The following KCMF1 variants were observed in gnomAD, a reference collection of about 807,000 sequenced individuals.
KCMF1 encodes potassium channel modulatory factor 1, also known as E3 ubiquitin-protein ligase KCMF1.
In KCMF1, 3 loss-of-function variants were observed where a neutral mutation model predicts 41.1. The observed-to-expected ratio is 0.07, with a 90% CI of 0.03 to 0.19. The LOEUF (loss-of-function observed/expected upper bound fraction) is 0.19, where lower values mean the gene tolerates loss of function less well. KCMF1 is among the 10% of genes least tolerant of loss of function. KCMF1 has a pLI of 1.00. For synonymous variants in KCMF1, 142 were observed against 164.5 expected (o/e 0.86, Z 1.04); for missense variants, 286 against 488.9 (o/e 0.58, Z 3.91).
intron 1 of KCMF1, among the ~76,000 whole-genome samples, chr2:84,980,560 T>G (rs1324134488): frequency 6.6e-6 from 1 of 152,200 alleles, no homozygotes; most frequent in Non-Finnish European, 1.5e-5. Flanking sequence ...AGAATTGTTT[T>G]TAGTTGTTGG....
chr2:84,995,043 A>G (rs745929408), intron 1 of KCMF1, among the ~76,000 whole-genome samples: 3 of 149,484 alleles, frequency 2.0e-5, no homozygotes, highest in Non-Finnish European at 3.0e-5. Flanking sequence ...TTTTTTTGAG[A>G]TGGAGTCTTG....
chr2:85,051,999 G>A (rs1574045939), intron 6 of KCMF1, among the ~76,000 whole-genome samples: 2 of 152,160 alleles, frequency 1.3e-5, no homozygotes, highest in East Asian at 3.9e-4. Context: ...TGCAACTGAT[G>A]GTAAGGTCAC....
chr2:85,046,027 A>G, intron 4 of KCMF1, 77 bp from the exon 5 acceptor site: 2 of 1,174,882 alleles, frequency 1.7e-6, no homozygotes, highest in Non-Finnish European at 1.2e-6. Context: ...AAATCTTTAC[A>G]TCTGTCTAGC....
chr2:84,994,685 G>C (rs1331047796), intron 1 of KCMF1, among the ~76,000 whole-genome samples: 1 of 152,170 alleles, frequency 6.6e-6, no homozygotes, highest in Admixed American at 6.5e-5. Flanking sequence ...TTACAGGCAT[G>C]AGCCACCACG....
intron 1 of KCMF1, among the ~76,000 whole-genome samples, chr2:85,023,417 C>T (rs1419678162): frequency 6.9e-6 from 1 of 145,706 alleles, no homozygotes; most frequent in Non-Finnish European, 1.5e-5. Flanking sequence ...CTCCTGGGTT[C>T]ACGCCATTCT....
intron 3 of KCMF1, among the ~76,000 whole-genome samples, chr2:85,037,777 AC>A (rs2104045360): frequency 6.6e-6 from 1 of 152,258 alleles, no homozygotes; most frequent in Non-Finnish European, 1.5e-5. Flanking sequence ...GGGTTCCCCA[AC>A]CCCTGGGCCA....
At chr2:84,989,116 C>T (rs965149001) in intron 1 of KCMF1, among the ~76,000 whole-genome samples, 1 of 152,118 alleles carries the variant, frequency 6.6e-6, no homozygotes, top group Non-Finnish European at 1.5e-5. Flanking sequence ...CTGCTTTAAT[C>T]GATTCTTCTA....
intron 3 of KCMF1, 141 bp downstream of exon 3, chr2:85,035,296 C>A: frequency 1.2e-6 from 1 of 825,308 alleles, no homozygotes; most frequent in Non-Finnish European, 1.8e-6. Flanking sequence ...CATCTTTTAA[C>A]AGCAAATTTT....
intron 3 of KCMF1, among the ~76,000 whole-genome samples, chr2:85,040,856 G>GT (rs1675513449): frequency 1.3e-5 from 2 of 152,068 alleles, no homozygotes; most frequent in East Asian, 3.9e-4. Context: ...CGCTTCCCGG[G>GT]TTCAAGTGAT....
chr2:85,021,813 T>G (rs942763935), intron 1 of KCMF1, among the ~76,000 whole-genome samples: 1 of 151,972 alleles, frequency 6.6e-6, no homozygotes, highest in Non-Finnish European at 1.5e-5. Context: ...CCCATGGTGT[T>G]TTGTTTTGTT....
chr2:85,049,534 G>A lies in KCMF1; in HGVS notation c.770G>A (p.Arg257His), dbSNP rs745729089. 2.0e-5 allele frequency: 33 copies of A among 1,613,866 alleles called. No individual in the cohort carries two copies. The highest frequency in any genetic ancestry group is 2.5e-5 in the Non-Finnish European group (29 of 1,179,896). The change falls in exon 6 of 7, where the codon CGT (arginine) becomes CAT (histidine). Residue 257 changes from arginine (R) to histidine (H), a missense_variant. Transcript: ENST00000409785. ...GAGACCGCACGCAACGCAACCCGGC[G>A]TACTAACACAAGCAGTGTCACCACT... ...QLETARNATRRTNTSSVTTTI... is the reference protein window; with the variant it reads ...QLETARNATRHTNTSSVTTTI...
chr2:84,991,209 G>C (rs72928878), intron 1 of KCMF1, among the ~76,000 whole-genome samples: 3,675 of 152,170 alleles, frequency 0.024, 147 homozygotes, highest in African/African-American at 0.083. Flanking sequence ...AGTCATCTCT[G>C]TGAAAGCAAG....
At chr2:84,984,004 T>TA (rs112611966) in intron 1 of KCMF1, among the ~76,000 whole-genome samples, 2,673 of 152,260 alleles carry the variant, frequency 0.018, 65 homozygotes, top group African/African-American at 0.061. Context: ...AATTTTCATT[T>TA]AAAAAATGCC....
chr2:84,985,601 C>G lies in KCMF1; in HGVS notation c.16+14134C>G, dbSNP rs1232946843. On this transcript the variant is annotated intron_variant, in intron 1 of 6. Transcript: ENST00000409785. ...ATCTTAGCACTTTGGGAAGCCCAGG[C>G]AGGCGGCTCACGAGGTCAGGAGTTT... Among the ~76,000 whole-genome samples the G allele has an allele frequency of 2.0e-5, 3 of 151,776 alleles. No homozygotes were observed. The East Asian group carries it at 5.8e-4, about 29-fold the overall frequency.
intron 1 of KCMF1, among the ~76,000 whole-genome samples, chr2:85,022,864 T>TGGTTTGAAA (rs1674977750): frequency 3.3e-5 from 5 of 151,260 alleles, no homozygotes; most frequent in Admixed American, 2.0e-4. Context: ...ATACTGGTTT[T>TGGTTTGAAA]CAACTTTATA....
intron 5 of KCMF1, among the ~76,000 whole-genome samples, chr2:85,047,008 C>G (rs1574043272): frequency 1.3e-5 from 2 of 152,024 alleles, no homozygotes; most frequent in African/African-American, 4.8e-5. Context: ...ATAAATTAAA[C>G]TTTAGCACAA....
At chr2:84,997,586 G>A (rs777647223) in intron 1 of KCMF1, among the ~76,000 whole-genome samples, 2 of 152,014 alleles carry the variant, frequency 1.3e-5, no homozygotes, top group Admixed American at 6.6e-5. Flanking sequence ...ATCTCAGGAA[G>A]GGAGGAGACC....
At chr2:84,987,633 AAATCAG>A (rs1673937666) in intron 1 of KCMF1, among the ~76,000 whole-genome samples, 1 of 152,192 alleles carries the variant, frequency 6.6e-6, no homozygotes, top group Non-Finnish European at 1.5e-5. Flanking sequence ...CACTAGGTAG[AAATCAG>A]AAGTGGGAAA....
intron 1 of KCMF1, among the ~76,000 whole-genome samples, chr2:85,020,707 C>T (rs1674910793): frequency 1.3e-5 from 2 of 152,168 alleles, no homozygotes; most frequent in Non-Finnish European, 2.9e-5. Flanking sequence ...GTATTGATTA[C>T]AGGCCTGAGC....
Sources: gnomAD v4.1 joint callset for allele counts (sites outside exome capture counted in the v4.1 genomes callset) on GRCh38, gnomAD v4.1.1 for gene constraint, MANE v1.5 for transcripts, NCBI Gene and HGNC (gene_info 2026-07-23, HGNC 2026-07-21) for gene names.